SPHKAP: variants seen among roughly 807,000 people sequenced by gnomAD.
The protein encoded by SPHKAP is SPHK1 interactor, AKAP domain containing.
In SPHKAP, 67 loss-of-function variants were observed where a neutral mutation model predicts 137.5. That is an observed-to-expected ratio of 0.49 (90% CI 0.40 to 0.60). The LOEUF (loss-of-function observed/expected upper bound fraction) is 0.60. Among genes scored for constraint, SPHKAP ranks in the 20% least tolerant of loss-of-function variants. The pLI is 0.00. For synonymous variants in SPHKAP, 813 were observed against 785.3 expected, an observed-to-expected ratio of 1.04 and a Z score of -0.59; for missense variants, 2,097 against 2,069.3, an observed-to-expected ratio of 1.01 and a Z score of -0.26.
intron 3 of SPHKAP, among the ~76,000 whole-genome samples, chr2:228,101,433 A>G (rs1698179108): frequency 6.6e-6 from 1 of 152,196 alleles, no homozygotes; most frequent in Admixed American, 6.5e-5. Context: ...TGAAGGATGC[A>G]TGAGTCTTCA....
At chr2:228,147,487 T>C (rs903351431) in intron 1 of SPHKAP, among the ~76,000 whole-genome samples, 5 of 152,222 alleles carry the variant, frequency 3.3e-5, no homozygotes, top group Non-Finnish European at 5.9e-5. Context: ...CTGAGAAGAC[T>C]GGCAGTTAAT....
intron 3 of SPHKAP, among the ~76,000 whole-genome samples, chr2:228,058,451 G>A (rs1439813527): frequency 6.6e-6 from 1 of 152,034 alleles, no homozygotes; most frequent in Non-Finnish European, 1.5e-5. Flanking sequence ...TACTCTGCTT[G>A]TCAACCCTGC....
At chr2:228,030,536 C>CAAAAAAAAA (rs1263087267) in intron 3 of SPHKAP, among the ~76,000 whole-genome samples, 1 of 41,874 alleles carries the variant, frequency 2.4e-5, no homozygotes, top group Non-Finnish European at 4.4e-5. Flanking sequence ...AAAAAAACAA[C>CAAAAAAAAA]AAAAAACAAA....
At chr2:228,076,013 G>T (rs546133219) in intron 3 of SPHKAP, among the ~76,000 whole-genome samples, 3 of 152,124 alleles carry the variant, frequency 2.0e-5, no homozygotes, top group African/African-American at 7.2e-5. Flanking sequence ...AATTATGGGG[G>T]CAGGTCTTTT....
At chr2:228,108,304 G>C (rs1698405715) in intron 3 of SPHKAP, among the ~76,000 whole-genome samples, 1 of 152,106 alleles carries the variant, frequency 6.6e-6, no homozygotes, top group Non-Finnish European at 1.5e-5. Context: ...TTTTCTGGAA[G>C]AATATCTTTT....
intron 3 of SPHKAP, among the ~76,000 whole-genome samples, chr2:228,104,657 G>T (rs2106342702): frequency 6.6e-6 from 1 of 152,184 alleles, no homozygotes; most frequent in South Asian, 2.1e-4. Flanking sequence ...AAGGCTGCTT[G>T]AGAGCTTTAT....
intron 3 of SPHKAP, among the ~76,000 whole-genome samples, chr2:228,093,171 A>T (rs1697861314): frequency 6.6e-6 from 1 of 152,186 alleles, no homozygotes; most frequent in Admixed American, 6.5e-5. Flanking sequence ...TTCCTATACC[A>T]CTAGTGGGAA....
intron 3 of SPHKAP, among the ~76,000 whole-genome samples, chr2:228,107,465 A>T (rs527536653): frequency 3.3e-5 from 5 of 152,290 alleles, no homozygotes; most frequent in African/African-American, 9.6e-5. Context: ...AACCACACTG[A>T]TACCATCTGA....
At chr2:228,080,835 CA>C (rs1397877054) in intron 3 of SPHKAP, among the ~76,000 whole-genome samples, 1 of 151,998 alleles carries the variant, frequency 6.6e-6, no homozygotes, top group African/African-American at 2.4e-5. Flanking sequence ...TGGCTATTAT[CA>C]AAAAGACAAA....
chr2:227,989,309 C>G (rs963859857), intron 11 of SPHKAP, among the ~76,000 whole-genome samples: 2 of 152,104 alleles, frequency 1.3e-5, no homozygotes, highest in Non-Finnish European at 2.9e-5. Context: ...CGCTCATGTA[C>G]CCGATTTGCT....
chr2:228,072,673 A>T (rs575269797), intron 3 of SPHKAP, among the ~76,000 whole-genome samples: 1 of 152,330 alleles, frequency 6.6e-6, no homozygotes, highest in East Asian at 1.9e-4. Flanking sequence ...TGGAACATGT[A>T]CCTTGAGAAT....
chr2:228,143,495 A>T (rs776496117), intron 1 of SPHKAP, among the ~76,000 whole-genome samples: 19 of 151,044 alleles, frequency 1.3e-4, no homozygotes, highest in Non-Finnish European at 1.9e-4. Flanking sequence ...TTTATTTTTA[A>T]TTTTAATTTT....
rs541421615 is a variant in SPHKAP at position 228,101,127 on chromosome 2, T to G, written c.246+7705A>C. On this transcript the variant is annotated intron_variant, in intron 3 of 11. Coordinates refer to ENST00000392056, the MANE Select transcript of SPHKAP (RefSeq NM_001142644.2). ...AACTCCAACTTAACACTCAACTATTTTCTTGACTTCTCCATTTGAATGACT... is the reference window on the plus strand; with the variant it reads ...AACTCCAACTTAACACTCAACTATTGTCTTGACTTCTCCATTTGAATGACT... 1.2e-3 allele frequency among the ~76,000 whole-genome samples: 177 copies of G among 152,214 alleles called. 1 individual carries two copies. The highest frequency in any genetic ancestry group is 6.8e-3 in the Middle Eastern group (2 of 294).
At position 228,113,603 on chromosome 2, in the gene SPHKAP, A is replaced by ATCTCTCTCTCTCTCTCTCTCTCTCTCTC. The variant is rs139499722; in HGVS notation, c.139-4692_139-4665dup. Reference sequence around the variant, plus strand: ...CAAATCCCAGTCTATGCATTTAGCCATCTCTCTCTCTCTCTCTCTCTCTCT... The same window carrying ATCTCTCTCTCTCTCTCTCTCTCTCTCTC: ...CAAATCCCAGTCTATGCATTTAGCCATCTCTCTCTCTCTCTCTCTCTCTCTCTCTCTCTCTCTCTCTCTCTCTCTCTCT... On this transcript the variant is annotated intron_variant, in intron 2 of 11. Transcript: ENST00000392056. Among the ~76,000 whole-genome samples, 35 of 97,970 alleles carry ATCTCTCTCTCTCTCTCTCTCTCTCTCTC rather than the reference A, an allele frequency of 3.6e-4. 2 individuals carry two copies. The highest frequency in any genetic ancestry group is 6.4e-4 in the East Asian group (2 of 3,114). 64.3% of individuals were successfully genotyped at this position (97,970 alleles called of 152,430 possible). A position where few individuals can be genotyped will look rare whatever the true frequency, so the allele number is the denominator to read the frequency against.
intron 3 of SPHKAP, among the ~76,000 whole-genome samples, chr2:228,047,181 T>A (rs1225277064): frequency 6.6e-6 from 1 of 152,164 alleles, no homozygotes; most frequent in Admixed American, 6.5e-5. Context: ...ATTACCTGGT[T>A]CAGGCCAGGT....
chr2:228,086,376 AG>A (rs1697539863), intron 3 of SPHKAP, among the ~76,000 whole-genome samples: 1 of 152,104 alleles, frequency 6.6e-6, no homozygotes, highest in Non-Finnish European at 1.5e-5. Context: ...TGGGCATCTA[AG>A]AAGGTGGTGC....
At chr2:228,058,081 G>C (rs1413243389) in intron 3 of SPHKAP, among the ~76,000 whole-genome samples, 1 of 152,146 alleles carries the variant, frequency 6.6e-6, no homozygotes, top group East Asian at 1.9e-4. Context: ...TGCTGAGATA[G>C]GACTACATTT....
intron 3 of SPHKAP, among the ~76,000 whole-genome samples, chr2:228,046,893 T>C (rs1696081458): frequency 2.0e-5 from 3 of 152,162 alleles, no homozygotes; most frequent in Non-Finnish European, 4.4e-5. Context: ...AAGTTTATCC[T>C]TTTGGCATTC....
intron 3 of SPHKAP, among the ~76,000 whole-genome samples, chr2:228,082,676 G>T (rs1030337782): frequency 1.3e-5 from 2 of 152,302 alleles, no homozygotes; most frequent in Admixed American, 6.5e-5. Flanking sequence ...GTGCAAGAAA[G>T]GCTGGGACAC....
Sources: gnomAD v4.1 joint callset for allele counts (sites outside exome capture counted in the v4.1 genomes callset) on GRCh38, gnomAD v4.1.1 for gene constraint, MANE v1.5 for transcripts, NCBI Gene and HGNC (gene_info 2026-07-23, HGNC 2026-07-21) for gene names.